DNAH7: variants seen among roughly 807,000 people sequenced by gnomAD.
DNAH7 encodes axonemal beta dynein heavy chain 7.
In DNAH7, 397 loss-of-function variants were observed where a neutral mutation model predicts 444.6. The ratio of observed to expected loss-of-function variants is 0.89; its 90% CI spans 0.82 to 0.97. The LOEUF (loss-of-function observed/expected upper bound fraction) is 0.97. Among genes scored for constraint, DNAH7 ranks in the 50% least tolerant of loss-of-function variants. The pLI is 0.00. For synonymous variants in DNAH7, 1,636 were observed against 1,624.4 expected (o/e 1.01, Z -0.17); for missense variants, 4,902 against 4,800.8 (o/e 1.02, Z -0.62).
In DNAH7 at chr2:195,957,437, C is replaced by T; in HGVS notation, c.2902G>A (p.Gly968Ser). The T allele has an allele frequency of 6.4e-7, 1 of 1,550,562 alleles. No homozygotes were observed. The highest frequency in any genetic ancestry group is 1.2e-5 in the South Asian group (1 of 83,594). ...PYEKQMREWE[G>S]KLLLLQEILD... ...ATCTCCTGAAGCAGTAGGAGCTTGC[C>T]CTCCCATTCTCTGAGGAGCAAAACA... The change falls in exon 19 of 65, where the codon GGC becomes AGC. Residue 968 changes from glycine to serine, a missense_variant. Physicochemically the swap from Gly to Ser is moderately conservative, Grantham distance 56 (BLOSUM62 0). Coordinates refer to ENST00000312428, the MANE Select transcript of DNAH7 (RefSeq NM_018897.3).
intron 19 of DNAH7, among the ~76,000 whole-genome samples, chr2:195,938,344 T>TCACA (rs68056425): frequency 0.028 from 3,751 of 134,116 alleles, 98 homozygotes; most frequent in African/African-American, 0.069. Flanking sequence ...AAATAGACAT[T>TCACA]CACACACACA....
intron 62 of DNAH7, among the ~76,000 whole-genome samples, chr2:195,754,857 C>T (rs1693996055): frequency 6.6e-6 from 1 of 152,118 alleles, no homozygotes; most frequent in South Asian, 2.1e-4. Flanking sequence ...AAAATGTATC[C>T]AAAGACATTT....
intron 5 of DNAH7, among the ~76,000 whole-genome samples, chr2:196,045,536 CAGAG>C (rs1166004642): frequency 1.3e-5 from 2 of 150,466 alleles, no homozygotes; most frequent in Admixed American, 6.6e-5. Flanking sequence ...AAAAAAAATA[CAGAG>C]AGAGAGAGAG....
At chr2:195,913,993 C>T (rs1233757021) in intron 24 of DNAH7, among the ~76,000 whole-genome samples, 3 of 152,174 alleles carry the variant, frequency 2.0e-5, no homozygotes, top group African/African-American at 7.2e-5. Flanking sequence ...AGATTACAGG[C>T]GCGAGCCACC....
Position 195,864,129 on chromosome 2 carries a change from T to A in DNAH7, c.7506+20A>T, listed in dbSNP as rs765168346. 24 of 1,598,770 alleles carry A rather than the reference T, an allele frequency of 1.5e-5. No homozygotes were observed. Among genetic ancestry groups the A allele is most frequent in the Non-Finnish European group, 2.1e-5 (24 of 1,168,358 alleles). On this transcript the variant is annotated intron_variant, in intron 41 of 64. Transcript: ENST00000312428. Reference sequence around the variant, plus strand: ...AATTCAACATTTCTAGAAGTCTATCTAAAATGTACATGACAATACCTGAAA... The same window carrying A: ...AATTCAACATTTCTAGAAGTCTATCAAAAATGTACATGACAATACCTGAAA...
chr2:195,869,840 G>A (rs1485155470), intron 40 of DNAH7, among the ~76,000 whole-genome samples: 1 of 152,118 alleles, frequency 6.6e-6, no homozygotes, highest in African/African-American at 2.4e-5. Flanking sequence ...CTAATACAAG[G>A]TTTTGAGCTG....
intron 1 of DNAH7, among the ~76,000 whole-genome samples, chr2:196,066,844 T>C (rs1698454572): frequency 6.6e-6 from 1 of 152,154 alleles, no homozygotes; most frequent in Non-Finnish European, 1.5e-5. Context: ...TTTCCAGAAG[T>C]TTAATCCATT....
Position 195,855,868 on chromosome 2 carries a change from G to A in DNAH7, c.8538C>T (p.Ala2846=), listed in dbSNP as rs984805356. 3.7e-6 allele frequency: 6 copies of A among 1,613,850 alleles called. No homozygotes were observed. Among genetic ancestry groups the A allele is most frequent in the Non-Finnish European group, 5.1e-6 (6 of 1,179,966 alleles). Residue 2846 remains alanine, a synonymous_variant, in exon 45 of 65, where the codon GCC becomes GCT. Coordinates refer to ENST00000312428, the MANE Select transcript of DNAH7 (RefSeq NM_018897.3). Reference sequence around the variant, plus strand: ...TTAATTCAAGTGTGTCTTGAAGCCTGGCCAGCTTGTCCTGAACTTCCTTAA... The same window carrying A: ...TTAATTCAAGTGTGTCTTGAAGCCTAGCCAGCTTGTCCTGAACTTCCTTAA... The part of the protein sequence containing the change: ...AALKEVQDKL[A]RLQDTLELNK...
intron 21 of DNAH7, 129 bp downstream of exon 21, chr2:195,934,462 A>T (rs1688910708): frequency 1.0e-6 from 1 of 1,004,394 alleles, no homozygotes; most frequent in African/African-American, 1.6e-5. Context: ...CAAGTTATCT[A>T]TCACATTTGA....
chr2:195,864,190 A>T lies in DNAH7; in HGVS notation c.7465T>A (p.Phe2489Ile), dbSNP rs763524931. The T allele has an allele frequency of 3.1e-6, 5 of 1,614,146 alleles. No homozygotes were observed. Among genetic ancestry groups the T allele is most frequent in the Non-Finnish European group, 3.4e-6 (4 of 1,179,996 alleles). ...GDAFRNRLRK[F>I]PALVNCCTID... ...GTACAGCAGTTAACAAGAGCAGGGAACTTTCTAAGACGATTCCGAAATGCA... is the reference window on the plus strand; with the variant it reads ...GTACAGCAGTTAACAAGAGCAGGGATCTTTCTAAGACGATTCCGAAATGCA... Residue 2489 changes from phenylalanine (F) to isoleucine (I), a missense_variant, in exon 41 of 65, where the codon TTC becomes ATC. By Grantham distance (21) the Phe-to-Ile change is conservative. Transcript: ENST00000312428.
intron 1 of DNAH7, 82 bp from the exon 2 acceptor site, chr2:196,058,198 T>C: frequency 9.2e-7 from 1 of 1,082,898 alleles, no homozygotes; most frequent in Non-Finnish European, 1.3e-6. Context: ...TTACAGTGTT[T>C]ATTGTAAGCA....
At chr2:195,883,909 C>G (rs1574660134) in intron 35 of DNAH7, among the ~76,000 whole-genome samples, 2 of 152,206 alleles carry the variant, frequency 1.3e-5, no homozygotes. Flanking sequence ...ACAACAAAAA[C>G]AGTCCAATGT....
Position 195,897,571 on chromosome 2 carries a change from T to C in DNAH7, c.4647+96A>G, listed in dbSNP as rs1187027796. ...ATTATCTATGTTTCTCTGTACTGTG[T>C]CATTGTTTTCCATAGTGGGAGCTTC... On this transcript the variant is annotated intron_variant, in intron 29 of 64. Transcript: ENST00000312428. 9.1e-6 allele frequency: 6 copies of C among 660,396 alleles called. No individual in the cohort carries two copies. The East Asian group carries it at 1.6e-4, about 17-fold the overall frequency. The allele number at this position is 660,396 out of a possible 1,614,324, so 40.9% of individuals were successfully genotyped here. A position where few individuals can be genotyped will look rare whatever the true frequency, so the allele number is the denominator to read the frequency against.
intron 15 of DNAH7, among the ~76,000 whole-genome samples, chr2:195,979,842 C>A (rs1692446463): frequency 6.6e-6 from 1 of 151,566 alleles, no homozygotes; most frequent in African/African-American, 2.4e-5. Flanking sequence ...CAACTATATC[C>A]CAATAAATTG....
At chr2:195,970,977 A>G (rs1011485932) in intron 16 of DNAH7, among the ~76,000 whole-genome samples, 17 of 152,322 alleles carry the variant, frequency 1.1e-4, no homozygotes, top group African/African-American at 3.8e-4. Context: ...TGGGCCACTT[A>G]GCAATTTTCC....
intron 64 of DNAH7, among the ~76,000 whole-genome samples, 153 bp downstream of exon 64, chr2:195,740,613 G>A (rs201309042): frequency 0.066 from 4,609 of 69,732 alleles, 99 homozygotes; most frequent in African/African-American, 0.099. Context: ...GTGTGTGTGT[G>A]TGTATATATA....
At chr2:195,896,791 A>G (rs1443563528) in intron 29 of DNAH7, among the ~76,000 whole-genome samples, 4 of 152,308 alleles carry the variant, frequency 2.6e-5, no homozygotes, top group Non-Finnish European at 5.9e-5. Context: ...TTTGCTCCAT[A>G]ATATATTTGC....
intron 49 of DNAH7, among the ~76,000 whole-genome samples, chr2:195,818,171 CATGGTATAATAT>C (rs1415196775): frequency 2.0e-5 from 3 of 152,136 alleles, no homozygotes; most frequent in African/African-American, 7.2e-5. Context: ...TTGATCAGAG[CATGGTATAATAT>C]ATGGTTCAAA....
chr2:196,023,243 C>T (rs1275218159), intron 8 of DNAH7, among the ~76,000 whole-genome samples: 1 of 152,020 alleles, frequency 6.6e-6, no homozygotes, highest in Non-Finnish European at 1.5e-5. Context: ...TGTGAGATGC[C>T]TGCTCCCATT....
Sources: gnomAD v4.1 joint callset for allele counts (sites outside exome capture counted in the v4.1 genomes callset) on GRCh38, gnomAD v4.1.1 for gene constraint, MANE v1.5 for transcripts, NCBI Gene and HGNC (gene_info 2026-07-23, HGNC 2026-07-21) for gene names.